DNHD1: variants seen among roughly 807,000 people sequenced by gnomAD.
DNHD1 encodes dynein heavy chain domain 1.
DNHD1 carries 383 observed loss-of-function variants against 458.1 expected under a neutral mutation model. The ratio of observed to expected loss-of-function variants is 0.84; its 90% CI spans 0.77 to 0.91. The LOEUF is 0.91. Ranked by LOEUF, DNHD1 falls within the 40% of genes least tolerant of loss-of-function variation. The probability of loss-of-function intolerance (pLI) is 0.00; values close to 1 mark genes in which losing one functional copy is unlikely to be tolerated. For missense variants in DNHD1, 5,336 were observed against 5,866.1 expected (o/e 0.91, Z 2.95); for synonymous variants, 2,203 against 2,376.9 (o/e 0.93, Z 2.13).
chr11:6,539,093 T>G, intron 16 of DNHD1, 126 bp from the exon 17 acceptor site: 1 of 712,828 alleles, frequency 1.4e-6, no homozygotes, highest in Non-Finnish European at 2.4e-6. Context: ...GGCTCTGTGT[T>G]GTGCTCTGAG....
chr11:6,570,722 T>C lies in DNHD1; in HGVS notation c.13210T>C (p.Trp4404Arg), dbSNP rs1254730269. The C allele has an allele frequency of 6.2e-7, 1 of 1,611,270 alleles. No homozygotes were observed. Among genetic ancestry groups the C allele is most frequent in the Admixed American group, 1.7e-5 (1 of 59,640 alleles). Reference protein sequence around the residue: ...LCGLSEGPQAWLLRRQSRALL... With the variant: ...LCGLSEGPQARLLRRQSRALL... ...CGGACTGAGTGAGGGCCCCCAAGCC[T>C]GGCTGTTGCGACGCCAGAGTCGCGC... is the stretch of plus-strand genomic sequence containing the variant. The change falls in exon 42 of 43, where the codon TGG becomes CGG. Residue 4404 changes from tryptophan (W) to arginine (R), a missense_variant. Physicochemically the swap from Trp to Arg is moderately radical, Grantham distance 101 (BLOSUM62 -3). Coordinates refer to ENST00000254579, the MANE Select transcript of DNHD1 (RefSeq NM_144666.3).
chr11:6,563,707 C>A lies in DNHD1; in HGVS notation c.9867C>A (p.Phe3289Leu). 1 of 1,545,464 alleles carries A rather than the reference C, an allele frequency of 6.5e-7. No individual in the cohort carries two copies. Among genetic ancestry groups the A allele is most frequent in the Middle Eastern group, 1.7e-4 (1 of 5,982 alleles). Residue 3289 changes from phenylalanine (F) to leucine (L), a missense_variant, in exon 31 of 43, where the codon TTC (phenylalanine) becomes TTA (leucine). Transcript: ENST00000254579. ...TEDFYQELVF[F>L]PKEKITDSEL... is the part of the protein sequence containing the mutation. Reference sequence around the variant, plus strand: ...CATCCTTCCAGGAGCTGGTGTTCTTCCCCAAGGAGAAGATAACAGACTCAG... The same window carrying A: ...CATCCTTCCAGGAGCTGGTGTTCTTACCCAAGGAGAAGATAACAGACTCAG...
At chr11:6,562,118 T>C (rs1299983420) in intron 28 of DNHD1, among the ~76,000 whole-genome samples, 1 of 151,918 alleles carries the variant, frequency 6.6e-6, no homozygotes, top group African/African-American at 2.4e-5. Context: ...GTGACTGACA[T>C]TGGGAAGGGC....
intron 30 of DNHD1, 49 bp downstream of exon 30, chr11:6,563,613 A>G (rs1371092332): frequency 7.1e-6 from 11 of 1,547,368 alleles, no homozygotes; most frequent in Non-Finnish European, 8.7e-6. Context: ...GCATAAAGGG[A>G]CACTTGGCAA....
At chr11:6,566,446 T>G in intron 34 of DNHD1, 53 bp downstream of exon 34, 1 of 1,549,912 alleles carries the variant, frequency 6.5e-7, no homozygotes, top group Non-Finnish European at 8.7e-7. Context: ...CACTAGGCCC[T>G]CAGCACCAGC....
At position 6,498,695 on chromosome 11, in the gene DNHD1, C is replaced by A. The variant is rs369563153; in HGVS notation, c.480C>A (p.Pro160=). 6.2e-7 allele frequency: 1 copy of A among 1,614,196 alleles called. No individual in the cohort carries two copies. The highest frequency in any genetic ancestry group is 8.5e-7 in the Non-Finnish European group (1 of 1,180,038). ...AGAAGCGGAGGCTCCATCACAGGCC[C>A]CCATGCCCAGCTTGCCCTTTTGTGC... The part of the protein sequence containing the change: ...CPQKRRLHHR[P]PCPACPFVQA... The change falls in exon 3 of 43, where the codon CCC becomes CCA. Residue 160 remains proline (P), a synonymous_variant. Transcript: ENST00000254579.
intron 18 of DNHD1, 130 bp from the exon 19 acceptor site, chr11:6,543,987 GGAAA>G (rs1853153713): frequency 2.0e-6 from 1 of 512,466 alleles, no homozygotes; most frequent in Admixed American, 3.9e-5. Context: ...AAAAAAAAAG[GGAAA>G]GAAAAAGACA....
At chr11:6,516,974 C>G (rs1264720244) in intron 7 of DNHD1, among the ~76,000 whole-genome samples, 1 of 152,054 alleles carries the variant, frequency 6.6e-6, no homozygotes, top group Non-Finnish European at 1.5e-5. Flanking sequence ...ACTCAGGCCT[C>G]TATAACAAAA....
Position 6,501,572 on chromosome 11 carries a change from C to A in DNHD1, c.747-1181C>A, listed in dbSNP as rs532835982. 2.0e-3 allele frequency among the ~76,000 whole-genome samples: 311 copies of A among 152,020 alleles called. 1 individual carries two copies. The highest frequency in any genetic ancestry group is 7.3e-3 in the African/African-American group (302 of 41,424). ...TGAAGTTGAGGGAATTGGCTAATGG[C>A]TGAAAACTTCAGCTTTCTCCAGGCA... On this transcript the variant is annotated intron_variant, in intron 3 of 42. Transcript: ENST00000254579.
chr11:6,555,374 G>A (rs909074864), intron 24 of DNHD1, among the ~76,000 whole-genome samples: 1 of 152,192 alleles, frequency 6.6e-6, no homozygotes, highest in Admixed American at 6.5e-5. Flanking sequence ...GTGGTGTATT[G>A]AATTTGTCCT....
At chr11:6,519,093 G>A (rs1026394080) in intron 7 of DNHD1, among the ~76,000 whole-genome samples, 1 of 152,104 alleles carries the variant, frequency 6.6e-6, no homozygotes, top group Non-Finnish European at 1.5e-5. Context: ...AAGGCTCCCA[G>A]GCTTTTATTC....
chr11:6,517,406 T>A (rs1681431486), intron 7 of DNHD1, among the ~76,000 whole-genome samples: 1 of 152,208 alleles, frequency 6.6e-6, no homozygotes, highest in South Asian at 2.1e-4. Context: ...CTCAAAGAGA[T>A]ATCTATACCC....
rs759986310 is a variant in DNHD1 at position 6,570,898 on chromosome 11, C to T, written c.13386C>T (p.Arg4462=). Reference sequence around the variant, plus strand: ...AGGATCTGCTGACCCACGTGATTCGCCAAGACGAGTCCGACGCCCCGTGGT... The same window carrying T: ...AGGATCTGCTGACCCACGTGATTCGTCAAGACGAGTCCGACGCCCCGTGGT... ...SLQDLLTHVI[R]QDESDAPWSV... The change falls in exon 42 of 43, where the codon CGC becomes CGT. Residue 4462 remains arginine (R), a synonymous_variant. Transcript: ENST00000254579. 7.3e-5 allele frequency: 118 copies of T among 1,613,606 alleles called. No homozygotes were observed. The highest frequency in any genetic ancestry group is 9.3e-5 in the Non-Finnish European group (110 of 1,179,630).
At position 6,547,372 on chromosome 11, in the gene DNHD1, G is replaced by C. The variant is rs1328934425; in HGVS notation, c.6433G>C (p.Val2145Leu). 8 of 1,551,644 alleles carry C rather than the reference G, an allele frequency of 5.2e-6. No individual in the cohort carries two copies. In the Admixed American group the frequency reaches 5.9e-5, roughly 11 times the overall value. The change falls in exon 21 of 43, where the codon GTC becomes CTC. Residue 2145 changes from valine (V) to leucine (L), a missense_variant. Physicochemically the swap from Val to Leu is conservative, Grantham distance 32. Transcript: ENST00000254579. Reference protein sequence around the residue: ...SPTVVGCCALVWCGGEQTWQC... With the variant: ...SPTVVGCCALLWCGGEQTWQC... The stretch of plus-strand genomic sequence containing the variant: ...CACAGTGGTAGGCTGTTGTGCCCTA[G>C]TCTGGTGTGGTGGAGAGCAGACTTG...
At position 6,505,815 on chromosome 11, in the gene DNHD1, T is replaced by C. The variant is rs368536011; in HGVS notation, c.920+2889T>C. ...GCATCACAATTAATTAAATTATCAC[T>C]TGTGGTTGAATGTGATACTGACACC... On this transcript the variant is annotated intron_variant, in intron 4 of 42. Coordinates refer to ENST00000254579, the MANE Select transcript of DNHD1 (RefSeq NM_144666.3). The surrounding 1 kb of genome is among the most constrained non-coding windows in gnomAD (Gnocchi z 4.4). Among the ~76,000 whole-genome samples, 1 of 152,314 alleles carries C rather than the reference T, an allele frequency of 6.6e-6. No individual in the cohort carries two copies. The highest frequency in any genetic ancestry group is 1.9e-4 in the East Asian group (1 of 5,190).
In DNHD1 at chr11:6,571,141, C is replaced by G. The variant is rs1206813685; in HGVS notation, c.13629C>G (p.Ala4543=). 6.2e-7 allele frequency: 1 copy of G among 1,601,006 alleles called. No homozygotes were observed. The highest frequency in any genetic ancestry group is 1.1e-5 in the South Asian group (1 of 90,638). The change falls in exon 42 of 43, where the codon GCC becomes GCG. Residue 4543 remains alanine (A), a synonymous_variant. Transcript: ENST00000254579. The surrounding 1 kb of genome is among the most constrained non-coding windows in gnomAD (Gnocchi z 5.0). ...LPLPWRPHAP[A]GPQPPWHWLR... is the part of the protein sequence containing the mutation. ...TGCCTTGGCGACCTCATGCGCCGGCCGGTCCGCAGCCGCCCTGGCACTGGC... is the reference window on the plus strand; with the variant it reads ...TGCCTTGGCGACCTCATGCGCCGGCGGGTCCGCAGCCGCCCTGGCACTGGC...
chr11:6,568,292 C>T (rs1344838055), intron 37 of DNHD1, 50 bp downstream of exon 37: 4 of 1,526,126 alleles, frequency 2.6e-6, no homozygotes, highest in Non-Finnish European at 3.5e-6. Context: ...TACACTTGGG[C>T]CTTAGCTTGA....
At chr11:6,519,917 T>C (rs777064772) in intron 8 of DNHD1, 48 bp from the exon 9 acceptor site, 2 of 1,613,270 alleles carry the variant, frequency 1.2e-6, no homozygotes, top group Non-Finnish European at 1.7e-6. Context: ...CTGAGGAATG[T>C]ATACTGACAT....
chr11:6,556,526 G>C (rs919266625), intron 24 of DNHD1, among the ~76,000 whole-genome samples, 157 bp from the exon 25 acceptor site: 12 of 152,332 alleles, frequency 7.9e-5, no homozygotes, highest in African/African-American at 2.9e-4. Context: ...GGGAGAATGT[G>C]GGGGAGGGAG....
Sources: allele counts gnomAD v4.1 joint callset (sites outside exome capture counted in the v4.1 genomes callset), GRCh38; gene constraint gnomAD v4.1.1; non-coding constraint Gnocchi (gnomAD v3.1); transcripts MANE v1.5; gene names NCBI Gene and HGNC (gene_info 2026-07-23, HGNC 2026-07-21).